The following ARHGEF28 variants were observed in gnomAD, a reference collection of about 807,000 sequenced individuals.
ARHGEF28 encodes Rho guanine nucleotide exchange factor 28.
A neutral mutation model predicts 206.6 loss-of-function variants in ARHGEF28; 152 were observed. The observed-to-expected ratio is 0.74, with a 90% CI of 0.64 to 0.84. The LOEUF (loss-of-function observed/expected upper bound fraction) is 0.84. ARHGEF28 is among the 40% of genes least tolerant of loss of function. ARHGEF28 has a pLI of 0.00. For missense variants in ARHGEF28, 2,028 were observed against 2,073.2 expected (o/e 0.98, Z 0.42); for synonymous variants, 763 against 776.4 (o/e 0.98, Z 0.29).
At chr5:73,773,805 A>G in intron 4 of ARHGEF28, 50 bp from the exon 5 acceptor site, 1 of 1,479,754 alleles carries the variant, frequency 6.8e-7, no homozygotes. Flanking sequence ...TGTGTAAAAC[A>G]AACTTTGTAA....
At chr5:73,891,539 CTTTTTT>C (rs569877219) in intron 26 of ARHGEF28, among the ~76,000 whole-genome samples, 1 of 148,548 alleles carries the variant, frequency 6.7e-6, no homozygotes, top group Non-Finnish European at 1.5e-5. Flanking sequence ...CAACCAATTC[CTTTTTT>C]TTTTCTTTTT....
At chr5:73,737,443 T>TTTTCC (rs1751021622) in intron 2 of ARHGEF28, among the ~76,000 whole-genome samples, 1 of 22,116 alleles carries the variant, frequency 4.5e-5, no homozygotes, top group Non-Finnish European at 7.9e-5. Flanking sequence ...CTCTTCCTTC[T>TTTTCC]TTTCTTTTCT....
intron 1 of ARHGEF28, among the ~76,000 whole-genome samples, chr5:73,651,930 G>A (rs1744860314): frequency 6.6e-6 from 1 of 152,188 alleles, no homozygotes. Flanking sequence ...CAGCTACCAT[G>A]CTCTGTTGTT....
intron 2 of ARHGEF28, among the ~76,000 whole-genome samples, chr5:73,693,912 A>AT (rs11388714): frequency 0.97 from 147,896 of 152,274 alleles, 71,855 homozygotes; most frequent in East Asian, 1. Flanking sequence ...CCAAAGCAGC[A>AT]GTTCTAGCCA....
intron 22 of ARHGEF28, among the ~76,000 whole-genome samples, chr5:73,878,749 G>A (rs1385365280): frequency 6.6e-5 from 10 of 150,442 alleles, no homozygotes; most frequent in Non-Finnish European, 1.5e-4. Context: ...GTTGAATATT[G>A]GCCCCCAGTC....
intron 1 of ARHGEF28, among the ~76,000 whole-genome samples, chr5:73,682,823 G>A (rs1467840434): frequency 6.6e-6 from 1 of 152,166 alleles, no homozygotes; most frequent in Admixed American, 6.5e-5. Flanking sequence ...CACAAGAATC[G>A]CCTGAACCTG....
intron 2 of ARHGEF28, among the ~76,000 whole-genome samples, chr5:73,688,411 T>G (rs1244988141): frequency 6.6e-6 from 1 of 152,220 alleles, no homozygotes; most frequent in African/African-American, 2.4e-5. Flanking sequence ...TCTTTGTCTC[T>G]ATTTGTCGGG....
chr5:73,880,532 G>A (rs932588876), intron 22 of ARHGEF28, among the ~76,000 whole-genome samples: 1 of 152,224 alleles, frequency 6.6e-6, no homozygotes, highest in Admixed American at 6.5e-5. Context: ...CTCACGCTAG[G>A]AGCTGTAGAC....
intron 2 of ARHGEF28, among the ~76,000 whole-genome samples, chr5:73,696,762 A>G (rs1168100855): frequency 6.6e-6 from 1 of 152,230 alleles, no homozygotes; most frequent in Non-Finnish European, 1.5e-5. Context: ...CATGTATTAC[A>G]TAATAAATAT....
At chr5:73,845,824 C>G (rs1240063031) in intron 11 of ARHGEF28, among the ~76,000 whole-genome samples, 1 of 151,318 alleles carries the variant, frequency 6.6e-6, no homozygotes, top group South Asian at 2.1e-4. Flanking sequence ...GCAAAAAACA[C>G]AAAAATCACA....
chr5:73,848,955 C>A, intron 12 of ARHGEF28, 21 bp from the exon 13 acceptor site: 17 of 1,488,112 alleles, frequency 1.1e-5, no homozygotes, highest in Non-Finnish European at 1.6e-5. Flanking sequence ...TTTTTAAACA[C>A]TTTATTATAA....
chr5:73,648,945 C>A (rs536288672), intron 1 of ARHGEF28, among the ~76,000 whole-genome samples: 10 of 152,314 alleles, frequency 6.6e-5, no homozygotes, highest in Non-Finnish European at 1.2e-4. Context: ...TCAGGCAGTG[C>A]CATCTTTCAG....
chr5:73,847,615 T>G (rs927385219), intron 12 of ARHGEF28, among the ~76,000 whole-genome samples: 12 of 152,238 alleles, frequency 7.9e-5, no homozygotes, highest in African/African-American at 2.9e-4. Context: ...TCATCATTAC[T>G]TGGATGAAAA....
intron 24 of ARHGEF28, among the ~76,000 whole-genome samples, 184 bp downstream of exon 24, chr5:73,884,068 G>T (rs1761118118): frequency 6.6e-6 from 1 of 152,262 alleles, no homozygotes; most frequent in Non-Finnish European, 1.5e-5. Flanking sequence ...TGCAGCATGG[G>T]TAAATAGTCT....
intron 1 of ARHGEF28, among the ~76,000 whole-genome samples, chr5:73,672,132 G>A (rs1746386688): frequency 6.6e-6 from 1 of 152,096 alleles, no homozygotes; most frequent in Non-Finnish European, 1.5e-5. Flanking sequence ...GTAATTAAGA[G>A]TGTTATTGCT....
intron 2 of ARHGEF28, among the ~76,000 whole-genome samples, chr5:73,721,632 G>A (rs1040471584): frequency 6.6e-6 from 1 of 151,976 alleles, no homozygotes; most frequent in Admixed American, 6.6e-5. Context: ...GAGTGCAGTG[G>A]TGTGATCATA....
chr5:73,653,069 A>G (rs575479739), intron 1 of ARHGEF28, among the ~76,000 whole-genome samples: 2 of 152,292 alleles, frequency 1.3e-5, no homozygotes, highest in East Asian at 1.9e-4. Context: ...CAATAGCTCT[A>G]TTTTACAGAT....
At chr5:73,727,820 G>T (rs1397118969) in intron 2 of ARHGEF28, among the ~76,000 whole-genome samples, 1 of 152,104 alleles carries the variant, frequency 6.6e-6, no homozygotes, top group Non-Finnish European at 1.5e-5. Flanking sequence ...GAATCCCTCA[G>T]CAGGCCATGG....
intron 9 of ARHGEF28, among the ~76,000 whole-genome samples, chr5:73,828,757 T>G (rs1561435842): frequency 1.3e-5 from 2 of 151,840 alleles, no homozygotes; most frequent in Admixed American, 6.6e-5. Flanking sequence ...TCTCTTCCTC[T>G]CTTTCTGTCC....
Sources: allele counts gnomAD v4.1 joint callset (sites outside exome capture counted in the v4.1 genomes callset), GRCh38; gene constraint gnomAD v4.1.1; transcripts MANE v1.5; gene names NCBI Gene and HGNC (gene_info 2026-07-23, HGNC 2026-07-21).